Variants in DOT1L observed in about 807,000 individuals in gnomAD.
DOT1L encodes the protein histone-lysine N-methyltransferase, H3 lysine-79 specific.
Under a neutral mutation model 153.3 loss-of-function variants are expected in DOT1L, and 33 were observed. The ratio of observed to expected loss-of-function variants is 0.22; its 90% confidence interval spans 0.16 to 0.29. DOT1L has a LOEUF of 0.29. DOT1L is among the 10% of genes least tolerant of loss of function. DOT1L has a pLI of 1.00. For synonymous variants in DOT1L, 1,135 were observed against 965.1 expected (o/e 1.18, Z -3.26); for missense variants, 1,847 against 2,119.9 (o/e 0.87, Z 2.53).
chr19:2,216,251 G>A, intron 19 of DOT1L, 30 bp from the exon 20 acceptor site: 2 of 1,538,114 alleles, frequency 1.3e-6, no homozygotes. Flanking sequence ...CCCCGGTGGG[G>A]CGGGCCTGAC....
chr19:2,191,330 A>C lies in DOT1L; in HGVS notation c.493+90A>C. 7.3e-7 allele frequency: 1 copy of C among 1,366,404 alleles called. No homozygotes were observed. Among genetic ancestry groups the C allele is most frequent in the Non-Finnish European group, 1.0e-6 (1 of 969,212 alleles). The allele number at this position is 1,366,404 out of a possible 1,614,324, so 84.6% of individuals were successfully genotyped here. On this transcript the variant is annotated intron_variant, in intron 5 of 27. Coordinates refer to ENST00000398665, the MANE Select transcript of DOT1L (RefSeq NM_032482.3). The surrounding 1 kb of genome is among the most constrained non-coding windows in gnomAD (Gnocchi z 6.8). ...ATGCCTGCTTGGAGAAGAGTTTATC[A>C]GGGACTTGCGACGTTGGCGTGGACA...
intron 7 of DOT1L, among the ~76,000 whole-genome samples, chr19:2,199,023 T>C (rs1448981458): frequency 1.3e-5 from 2 of 152,218 alleles, no homozygotes; most frequent in Non-Finnish European, 2.9e-5. Flanking sequence ...TTTGGAGGCA[T>C]TTGTGTCCGG....
At chr19:2,221,697 A>T in intron 23 of DOT1L, 1 of 474,618 alleles carries the variant, frequency 2.1e-6, no homozygotes, top group Non-Finnish European at 3.7e-6. Context: ...GGGAGCCCGC[A>T]CCAGGAGGCT....
intron 2 of DOT1L, among the ~76,000 whole-genome samples, chr19:2,184,753 G>T (rs750001390): frequency 1.3e-5 from 2 of 152,200 alleles, no homozygotes; most frequent in Non-Finnish European, 2.9e-5. Flanking sequence ...GCCCACACGG[G>T]GCTGCTCAGA....
chr19:2,176,077 C>T (rs1016045536), intron 1 of DOT1L, among the ~76,000 whole-genome samples: 5 of 152,118 alleles, frequency 3.3e-5, no homozygotes, highest in South Asian at 2.1e-4. Flanking sequence ...GCCTCTTGGC[C>T]GAGGCTGCTT....
At position 2,185,946 on chromosome 19, in the gene DOT1L, C is replaced by T. The variant is rs762387433; in HGVS notation, c.200+17C>T. On this transcript the variant is annotated intron_variant, in intron 3 of 27. Coordinates refer to ENST00000398665, the MANE Select transcript of DOT1L (RefSeq NM_032482.3). ...CACCAAAAGGTAAGCAGAGTCCTGT[C>T]CAGCCGCTCCGCTCCGAGGACAGAC... The T allele has an allele frequency of 1.2e-6, 2 of 1,612,604 alleles. No individual in the cohort carries two copies. Among genetic ancestry groups the T allele is most frequent in the Non-Finnish European group, 1.7e-6 (2 of 1,178,836 alleles).
chr19:2,201,540 C>T (rs2023282106), intron 8 of DOT1L, among the ~76,000 whole-genome samples: 1 of 152,166 alleles, frequency 6.6e-6, no homozygotes, highest in South Asian at 2.1e-4. Context: ...CAAAAGTTTC[C>T]TAGGTTCGCT....
At chr19:2,194,965 C>T (rs1436119677) in intron 7 of DOT1L, among the ~76,000 whole-genome samples, 3 of 152,096 alleles carry the variant, frequency 2.0e-5, no homozygotes, top group African/African-American at 7.2e-5. Context: ...TCCTGGTCCT[C>T]AGTGCTGTGT....
Position 2,208,833 on chromosome 19 carries a change from C to T in DOT1L, c.964-102C>T. On this transcript the variant is annotated intron_variant, in intron 11 of 27. Transcript: ENST00000398665. The surrounding 1 kb of genome is among the most constrained non-coding windows in gnomAD (Gnocchi z 4.4). ...CTGTCCCCAGATACCAGAACAGCCT[C>T]CCCAGCCACTGTCCAGGTTGCTGTT... 1.6e-6 allele frequency: 2 copies of T among 1,247,902 alleles called. No homozygotes were observed. The highest frequency in any genetic ancestry group is 2.3e-6 in the Non-Finnish European group (2 of 879,804). The allele number at this position is 1,247,902 out of a possible 1,614,324, so 77.3% of individuals were successfully genotyped here. A position where few individuals can be genotyped will look rare whatever the true frequency, so the allele number is the denominator to read the frequency against.
At chr19:2,202,280 C>T (rs990935939) in intron 8 of DOT1L, among the ~76,000 whole-genome samples, 2 of 152,244 alleles carry the variant, frequency 1.3e-5, no homozygotes, top group Non-Finnish European at 2.9e-5. Context: ...GCGGTCTCTG[C>T]AGCAGTTGAG....
rs2024065920 is a variant in DOT1L, at chr19:2,220,267, G to A, written c.2806+45G>A. On this transcript the variant is annotated intron_variant, in intron 23 of 27. Coordinates refer to ENST00000398665, the MANE Select transcript of DOT1L (RefSeq NM_032482.3). The surrounding 1 kb of genome is among the most constrained non-coding windows in gnomAD (Gnocchi z 4.5). Reference sequence around the variant, plus strand: ...CTACCCTCAGGACTCTGCTGCTGCTGCTGCTCTTCAGGCAGGAGGGCTGGG... The same window carrying A: ...CTACCCTCAGGACTCTGCTGCTGCTACTGCTCTTCAGGCAGGAGGGCTGGG... The A allele has an allele frequency of 6.4e-7, 1 of 1,566,194 alleles. No homozygotes were observed. The highest frequency in any genetic ancestry group is 8.7e-7 in the Non-Finnish European group (1 of 1,150,248).
Position 2,216,664 on chromosome 19 carries a change from C to A in DOT1L, c.2307C>A (p.Pro769=), listed in dbSNP as rs746937735. ...AGAAGCTGTCTGGCCTAGCCGCACC[C>A]GACTACACTAGGCTGTCCCCGGCCA... ...RLEKLSGLAA[P]DYTRLSPAKI... is the part of the protein sequence containing the mutation. The change falls in exon 20 of 28, where the codon CCC becomes CCA. Residue 769 remains proline, a synonymous_variant. Transcript: ENST00000398665. 1.2e-6 allele frequency: 2 copies of A among 1,604,532 alleles called. No individual in the cohort carries two copies. Among genetic ancestry groups the A allele is most frequent in the Non-Finnish European group, 1.7e-6 (2 of 1,179,908 alleles).
At position 2,229,856 on chromosome 19, in the gene DOT1L, G is replaced by T; in HGVS notation, c.*64G>T. On this transcript the variant is annotated 3_prime_UTR_variant, in exon 28 of 28. Transcript: ENST00000398665. ...GTGGACCAACTCGCGCCCGCGGCATGGTGCCCGCCGGCCTGCCGGGCTCCC... is the reference window on the plus strand; with the variant it reads ...GTGGACCAACTCGCGCCCGCGGCATTGTGCCCGCCGGCCTGCCGGGCTCCC... The T allele has an allele frequency of 6.2e-7, 1 of 1,611,466 alleles. No homozygotes were observed.
rs1160439233 is a variant in DOT1L, at chr19:2,230,071, G to C, written c.*279G>C. ...TAAGTGGTAAAAGGCAACTTATTGAGAAATATAAATATCTATATATGAGAG... is the reference window on the plus strand; with the variant it reads ...TAAGTGGTAAAAGGCAACTTATTGACAAATATAAATATCTATATATGAGAG... On this transcript the variant is annotated 3_prime_UTR_variant, in exon 28 of 28. Transcript: ENST00000398665. The C allele has an allele frequency of 1.7e-6, 1 of 600,484 alleles. No homozygotes were observed. The highest frequency in any genetic ancestry group is 1.9e-5 in the African/African-American group (1 of 53,754). 37.2% of individuals were successfully genotyped at this position (600,484 alleles called of 1,614,324 possible). A position where few individuals can be genotyped will look rare whatever the true frequency, so the allele number is the denominator to read the frequency against.
chr19:2,188,836 A>G (rs921233816), intron 3 of DOT1L, among the ~76,000 whole-genome samples: 2 of 152,192 alleles, frequency 1.3e-5, no homozygotes, highest in Non-Finnish European at 2.9e-5. Context: ...CAGACCCCGT[A>G]GCAGGCTTGC....
rs2144736586 is a variant in DOT1L, at chr19:2,189,782, G to A, written c.251G>A (p.Ser84Asn). 1 of 1,612,114 alleles carries A rather than the reference G, an allele frequency of 6.2e-7. No individual in the cohort carries two copies. The highest frequency in any genetic ancestry group is 8.5e-7 in the Non-Finnish European group (1 of 1,180,008). The change falls in exon 4 of 28, where the codon AGC becomes AAC. Residue 84 changes from serine (S) to asparagine (N), a missense_variant. Physicochemically the swap from Ser to Asn is conservative, Grantham distance 46 (BLOSUM62 1). Around this residue, in one of 8 missense-constraint regions of DOT1L, gnomAD observed 148 missense variants for 422.3 expected, o/e 0.35. Coordinates refer to ENST00000398665, the MANE Select transcript of DOT1L (RefSeq NM_032482.3). ...GACAAGTACAACCGTGCCATCGACA[G>A]CATCCACCAGCTGGTAGGTGGCTTG... The part of the protein sequence containing the change: ...LCDKYNRAID[S>N]IHQLWKGTTQ...
Position 2,216,477 on chromosome 19 carries a change from T to C in DOT1L, c.2120T>C (p.Met707Thr). Residue 707 changes from methionine (M) to threonine (T), a missense_variant, in exon 20 of 28, where the codon ATG becomes ACG. Transcript: ENST00000398665. Reference sequence around the variant, plus strand: ...TTCTCGCTGCCTCACTTGAGCAGCATGAGCCCGGAGCTCTCCATGAACGGC... The same window carrying C: ...TTCTCGCTGCCTCACTTGAGCAGCACGAGCCCGGAGCTCTCCATGAACGGC... ...TKFSLPHLSSMSPELSMNGQA... is the reference protein window; with the variant it reads ...TKFSLPHLSSTSPELSMNGQA... The C allele has an allele frequency of 1.2e-6, 2 of 1,612,708 alleles. No homozygotes were observed. Among genetic ancestry groups the C allele is most frequent in the Non-Finnish European group, 1.7e-6 (2 of 1,179,942 alleles).
chr19:2,210,830 T>C lies in DOT1L; in HGVS notation c.1326T>C (p.Ser442=), dbSNP rs1599593817. The C allele has an allele frequency of 6.2e-7, 1 of 1,612,552 alleles. No individual in the cohort carries two copies. The highest frequency in any genetic ancestry group is 8.5e-7 in the Non-Finnish European group (1 of 1,179,922). The change falls in exon 14 of 28, where the codon TCT becomes TCC. Residue 442 remains serine, a synonymous_variant. Transcript: ENST00000398665. ...ALDALHAQTV[S]QTAASSPQDA... ...ATGCCCTGCACGCTCAGACCGTGTC[T>C]CAGACGGCGGCCTCCTCACCCCAGG...
In DOT1L at chr19:2,220,305, G is replaced by C. The variant is rs758798537; in HGVS notation, c.2806+83G>C. 4.3e-5 allele frequency: 58 copies of C among 1,363,626 alleles called. No individual in the cohort carries two copies. Among genetic ancestry groups the C allele is most frequent in the Non-Finnish European group, 5.7e-5 (56 of 983,196 alleles). 84.5% of individuals were successfully genotyped at this position (1,363,626 alleles called of 1,614,324 possible). The stretch of plus-strand genomic sequence containing the variant: ...CAGGAGGGCTGGGTTGCTGGGAGTG[G>C]AACAGGGCTTCCTGGGGTGATCATG... On this transcript the variant is annotated intron_variant, in intron 23 of 27. Transcript: ENST00000398665. This position sits in a 1 kb window ranked among gnomAD's most constrained non-coding sequence, Gnocchi z 4.5.
Sources: allele counts gnomAD v4.1 joint callset (sites outside exome capture counted in the v4.1 genomes callset), GRCh38; gene constraint gnomAD v4.1.1; regional missense constraint gnomAD v4.1.1; non-coding constraint Gnocchi (gnomAD v3.1); transcripts MANE v1.5; gene names NCBI Gene and HGNC (gene_info 2026-07-23, HGNC 2026-07-21).